The following SNX24 variants were observed in gnomAD, a reference collection of about 807,000 sequenced individuals.
The protein encoded by SNX24 is sorting nexin 24, also known as sorting nexin-24.
Under a neutral mutation model 28.7 loss-of-function variants are expected in SNX24, and 22 were observed. The ratio of observed to expected loss-of-function variants is 0.77; its 90% CI spans 0.55 to 1.10. SNX24 has a LOEUF of 1.10. Among genes scored for constraint, SNX24 ranks in the 50% least tolerant of loss-of-function variants. The pLI, the probability that SNX24 is intolerant of heterozygous loss-of-function variation, is 0.00. For synonymous variants in SNX24, 69 were observed against 71.5 expected, an observed-to-expected ratio of 0.96 and a Z score of 0.18; for missense variants, 221 against 201.1, an observed-to-expected ratio of 1.10 and a Z score of -0.60.
At chr5:123,016,042 A>G (rs957694951) in intron 5 of SNX24, among the ~76,000 whole-genome samples, 1 of 152,234 alleles carries the variant, frequency 6.6e-6, no homozygotes, top group Non-Finnish European at 1.5e-5. Flanking sequence ...TTTCTTCATC[A>G]CAGCAGGCAA....
chr5:123,017,317 G>A (rs930328773), intron 5 of SNX24, among the ~76,000 whole-genome samples: 3 of 151,926 alleles, frequency 2.0e-5, no homozygotes, highest in Non-Finnish European at 4.4e-5. Flanking sequence ...CACCTGCTCC[G>A]CTCATGTGCA....
intron 3 of SNX24, among the ~76,000 whole-genome samples, chr5:122,970,800 C>T (rs1345039839): frequency 6.6e-6 from 1 of 152,212 alleles, no homozygotes; most frequent in Non-Finnish European, 1.5e-5. Flanking sequence ...GTCAGCCACA[C>T]TAGTTTACTA....
chr5:122,891,872 T>G (rs1756988905), intron 1 of SNX24, among the ~76,000 whole-genome samples: 1 of 152,216 alleles, frequency 6.6e-6, no homozygotes. Flanking sequence ...GAGAATAAAA[T>G]GTGTGTAAGT....
At chr5:122,991,343 T>G (rs1433748775) in intron 3 of SNX24, among the ~76,000 whole-genome samples, 1 of 152,232 alleles carries the variant, frequency 6.6e-6, no homozygotes, top group Non-Finnish European at 1.5e-5. Flanking sequence ...ATGTATAATA[T>G]GTGACTTTAA....
In SNX24 at chr5:122,968,834, ATTAC is replaced by A. The variant is rs530496404; in HGVS notation, c.249+22678_249+22681del. On this transcript the variant is annotated intron_variant, in intron 3 of 6. Coordinates refer to ENST00000261369, the MANE Select transcript of SNX24 (RefSeq NM_014035.4). Reference sequence around the variant, plus strand: ...AGATACAATAAAATAAAATTTGTTTATTACTTCATCTTCATATTATTTTAAAATA... The same window carrying A: ...AGATACAATAAAATAAAATTTGTTTATTCATCTTCATATTATTTTAAAATA... 3.9e-3 allele frequency among the ~76,000 whole-genome samples: 594 copies of A among 152,246 alleles called. 9 individuals carry two copies. The highest frequency in any genetic ancestry group is 4.0e-3 in the Non-Finnish European group (272 of 68,018).
intron 1 of SNX24, among the ~76,000 whole-genome samples, 174 bp downstream of exon 1, chr5:122,845,867 G>T (rs1264747143): frequency 2.0e-5 from 3 of 151,838 alleles, no homozygotes; most frequent in African/African-American, 7.3e-5. Flanking sequence ...GGAAACGGGC[G>T]CCCCTCCCGG....
chr5:122,907,652 T>C (rs1158559698), intron 1 of SNX24, among the ~76,000 whole-genome samples: 1 of 152,220 alleles, frequency 6.6e-6, no homozygotes, highest in African/African-American at 2.4e-5. Flanking sequence ...GTTGAAATTG[T>C]TATCTTTATA....
chr5:123,011,218 A>C (rs1427817992), downstream of SNX24, among the ~76,000 whole-genome samples: 1 of 152,146 alleles, frequency 6.6e-6, no homozygotes, highest in African/African-American at 2.4e-5. Context: ...GGAAAAAAAA[A>C]ATCCCATTAC....
chr5:122,897,473 A>T (rs549565146), intron 1 of SNX24, among the ~76,000 whole-genome samples: 9 of 152,226 alleles, frequency 5.9e-5, no homozygotes, highest in Admixed American at 5.9e-4. Context: ...ATAGACTAAC[A>T]TGTTAAAGGA....
chr5:122,990,693 C>G (rs1761806592), intron 3 of SNX24, among the ~76,000 whole-genome samples: 1 of 152,122 alleles, frequency 6.6e-6, no homozygotes, highest in African/African-American at 2.4e-5. Flanking sequence ...AAGCCTAGTT[C>G]TGATTACTGT....
At chr5:122,959,882 A>C (rs998765993) in intron 3 of SNX24, among the ~76,000 whole-genome samples, 11 of 152,166 alleles carry the variant, frequency 7.2e-5, no homozygotes, top group African/African-American at 2.7e-4. Context: ...CTCTACATAG[A>C]GGCTTAATGA....
At chr5:122,878,909 A>T (rs902634965) in intron 1 of SNX24, among the ~76,000 whole-genome samples, 2 of 151,788 alleles carry the variant, frequency 1.3e-5, no homozygotes, top group Admixed American at 6.6e-5. Flanking sequence ...CCAGGAGGTC[A>T]AGGCTGCAAT....
intron 5 of SNX24, chr5:123,023,701 A>C: frequency 9.6e-7 from 1 of 1,042,684 alleles, no homozygotes; most frequent in Non-Finnish European, 1.2e-6. Context: ...ACTAAAGTTC[A>C]AGCAAACTAA....
chr5:122,982,257 A>G (rs532099752), intron 3 of SNX24, among the ~76,000 whole-genome samples: 36 of 152,308 alleles, frequency 2.4e-4, no homozygotes, highest in African/African-American at 5.8e-4. Context: ...GAGCTGTTGT[A>G]TCATATTCCA....
chr5:122,976,336 T>C (rs931594784), intron 3 of SNX24, among the ~76,000 whole-genome samples: 1 of 151,354 alleles, frequency 6.6e-6, no homozygotes, highest in Non-Finnish European at 1.5e-5. Context: ...TATCTTTTTA[T>C]GATTGGAGTT....
chr5:123,000,501 C>T lies in SNX24; in HGVS notation c.344+495C>T, dbSNP rs181187063. 9.3e-3 allele frequency among the ~76,000 whole-genome samples: 1,410 copies of T among 152,322 alleles called. 6 individuals carry two copies. Among genetic ancestry groups the T allele is most frequent in the Non-Finnish European group, 0.015 (1,035 of 68,030 alleles). ...ATCTCTTGCCTTGTAGCTTGCAGAA[C>T]CGAGGCCTTCCAAGGCAAGCCCTCT... On this transcript the variant is annotated intron_variant, in intron 4 of 6. Transcript: ENST00000261369.
At chr5:122,946,289 A>G (rs1759682327) in intron 3 of SNX24, 130 bp downstream of exon 3, 1 of 505,154 alleles carries the variant, frequency 2.0e-6, no homozygotes, top group Non-Finnish European at 3.5e-6. Flanking sequence ...AGGAAGTCCA[A>G]AATTACAGAT....
intron 3 of SNX24, among the ~76,000 whole-genome samples, chr5:122,982,135 C>G (rs1201441079): frequency 6.6e-6 from 1 of 152,134 alleles, no homozygotes; most frequent in African/African-American, 2.4e-5. Context: ...GTCCCTGATT[C>G]CCTGTAGTAG....
Position 122,863,490 on chromosome 5 carries a change from C to T in SNX24, c.60+17797C>T, listed in dbSNP as rs539629981. 3.6e-3 allele frequency among the ~76,000 whole-genome samples: 546 copies of T among 150,306 alleles called. 4 individuals are homozygous for T. Among genetic ancestry groups the T allele is most frequent in the African/African-American group, 0.012 (505 of 40,998 alleles). ...TGGGGTGGGAGGGCAGAGCATAGGT[C>T]TGGTAGGCAGCAATAAGGACGTTGG... On this transcript the variant is annotated intron_variant, in intron 1 of 6. Transcript: ENST00000261369.
Sources: gnomAD v4.1 joint callset for allele counts (sites outside exome capture counted in the v4.1 genomes callset) on GRCh38, gnomAD v4.1.1 for gene constraint, MANE v1.5 for transcripts, NCBI Gene and HGNC (gene_info 2026-07-23, HGNC 2026-07-21) for gene names.